Variants in BAIAP3 observed in about 807,000 individuals in gnomAD.
BAIAP3 encodes BAI1-associated protein 3.
A neutral mutation model predicts 149.7 loss-of-function variants in BAIAP3; 180 were observed. The ratio of observed to expected loss-of-function variants is 1.20; its 90% confidence interval spans 1.07 to 1.36. BAIAP3 has a LOEUF of 1.36. BAIAP3 is among the 40% of genes most tolerant of loss of function. The pLI is 0.00. For missense variants in BAIAP3, 1,767 were observed against 1,563.4 expected (o/e 1.13, Z -2.20); for synonymous variants, 845 against 670.7 (o/e 1.26, Z -4.02).
rs756774103 is a variant in BAIAP3 at position 1,345,885 on chromosome 16, G to A, written c.2203G>A (p.Gly735Ser). Residue 735 changes from glycine to serine, a missense_variant, in exon 23 of 34, where the codon GGC becomes AGC. Gly to Ser is a moderately conservative substitution (Grantham distance 56, BLOSUM62 0). Coordinates refer to ENST00000426824, the MANE Select transcript of BAIAP3 (RefSeq NM_001199097.2). ...GGCTCAGGGGCTGGGCACCCAGCTT[G>A]GCCAGGTGTGTGGGTGGGCCCTGGG... ...AQAQGLGTQL[G>S]QDVCEATLFY... 2 of 1,577,502 alleles carry A rather than the reference G, an allele frequency of 1.3e-6. No homozygotes were observed. The highest frequency in any genetic ancestry group is 1.2e-5 in the South Asian group (1 of 86,492).
rs1039050482 is a variant in BAIAP3, at chr16:1,348,805, G to A, written c.*323G>A. Reference sequence around the variant, plus strand: ...CCGCTTCCTTGGGCTCCCCGGCCCTGGGTGGGCGGTGGGCAGCTGGTCTCC... The same window carrying A: ...CCGCTTCCTTGGGCTCCCCGGCCCTAGGTGGGCGGTGGGCAGCTGGTCTCC... On this transcript the variant is annotated 3_prime_UTR_variant, in exon 34 of 34. Coordinates refer to ENST00000426824, the MANE Select transcript of BAIAP3 (RefSeq NM_001199097.2). The A allele has an allele frequency of 3.8e-5, 18 of 477,036 alleles. No individual in the cohort carries two copies. Among genetic ancestry groups the A allele is most frequent in the Non-Finnish European group, 6.9e-5 (18 of 262,262 alleles). 29.6% of individuals were successfully genotyped at this position (477,036 alleles called of 1,614,324 possible). A position where few individuals can be genotyped will look rare whatever the true frequency, so the allele number is the denominator to read the frequency against.
In BAIAP3 at chr16:1,349,209, G is replaced by T. The variant is rs978040387; in HGVS notation, c.*727G>T. 3.2e-5 allele frequency: 19 copies of T among 588,380 alleles called. No homozygotes were observed. The South Asian group carries it at 3.3e-4, about 10-fold the overall frequency. The allele number at this position is 588,380 out of a possible 1,614,324, so 36.4% of individuals were successfully genotyped here. ...AGAGTTCGCCCCAACCCTTCCCCAGGCCCAGTGTGAAAAACAGACTCACAA... is the reference window on the plus strand; with the variant it reads ...AGAGTTCGCCCCAACCCTTCCCCAGTCCCAGTGTGAAAAACAGACTCACAA... On this transcript the variant is annotated 3_prime_UTR_variant, in exon 34 of 34. Coordinates refer to ENST00000426824, the MANE Select transcript of BAIAP3 (RefSeq NM_001199097.2).
At chr16:1,339,878 C>T (rs866776769) in intron 5 of BAIAP3, among the ~76,000 whole-genome samples, 7 of 143,080 alleles carry the variant, frequency 4.9e-5, no homozygotes, top group Non-Finnish European at 7.6e-5. Flanking sequence ...CACAGACACA[C>T]GCACACAGGC....
intron 9 of BAIAP3, 51 bp from the exon 10 acceptor site, chr16:1,341,933 CAG>C: frequency 1.9e-6 from 3 of 1,587,662 alleles, no homozygotes; most frequent in African/African-American, 2.7e-5. Context: ...AGGACGGACT[CAG>C]GGCCCGGCTG....
At chr16:1,343,992 T>C in intron 15 of BAIAP3, 30 bp from the exon 16 acceptor site, 1 of 1,610,718 alleles carries the variant, frequency 6.2e-7, no homozygotes. Context: ...CGGTCGGGGC[T>C]GCTGGCACTG....
chr16:1,345,709 T>TGCCTCCCCAGCAAACCCA, intron 22 of BAIAP3, 38 bp from the exon 23 acceptor site: 1 of 561,850 alleles, frequency 1.8e-6, no homozygotes, highest in South Asian at 3.5e-5. Flanking sequence ...CAGCCTCCCC[T>TGCCTCCCCAGCAAACCCA]GCCTCCCCAG....
rs747038087 is a variant in BAIAP3, at chr16:1,341,193, A to G, written c.533A>G (p.Asn178Ser). 7.4e-6 allele frequency: 12 copies of G among 1,612,344 alleles called. No homozygotes were observed. The East Asian group carries it at 1.8e-4, about 24-fold the overall frequency. Residue 178 changes from asparagine (N) to serine (S), a missense_variant and splice_region_variant, in exon 7 of 34, where the codon AAC becomes AGC. Transcript: ENST00000426824. ...AAGAACCTTCTGGCCAAGGACCCCA[A>G]CGGTGAGTGGGGACCCAGCAGACCT... ...RAKNLLAKDP[N>S]GFSDPYCMLG...
chr16:1,346,176 G>A lies in BAIAP3; in HGVS notation c.2308G>A (p.Val770Met), dbSNP rs374656600. Reference sequence around the variant, plus strand: ...CTGGCCACACCTCCTCCAGCTCTGCGTGGTCCTCAACAATGTGGAGCTCGT... The same window carrying A: ...CTGGCCACACCTCCTCCAGCTCTGCATGGTCCTCAACAATGTGGAGCTCGT... ...AGEAVSEALC[V>M]VLNNVELVRK... The change falls in exon 25 of 34, where the codon GTG becomes ATG. Residue 770 changes from valine to methionine, a missense_variant. Transcript: ENST00000426824. 70 of 1,611,122 alleles carry A rather than the reference G, an allele frequency of 4.3e-5. No individual in the cohort carries two copies. Among genetic ancestry groups the A allele is most frequent in the South Asian group, 6.6e-5 (6 of 91,044 alleles).
intron 8 of BAIAP3, 41 bp downstream of exon 8, chr16:1,341,530 C>T (rs2033927696): frequency 6.3e-7 from 1 of 1,580,726 alleles, no homozygotes. Context: ...GGGGGCTCTG[C>T]CTGGGGTCCA....
At position 1,344,652 on chromosome 16, in the gene BAIAP3, G is replaced by A. The variant is rs1325976331; in HGVS notation, c.1711G>A (p.Asp571Asn). ...GLVVLADAVY[D>N]DLQFCYSVYA... The stretch of plus-strand genomic sequence containing the variant: ...GGTTGTGCTGGCTGACGCCGTCTAT[G>A]ATGACCTTCAGTTCTGCTACAGTGT... Residue 571 changes from aspartate to asparagine, a missense_variant, in exon 19 of 34, where the codon GAT becomes AAT. Asp to Asn is a conservative substitution (Grantham distance 23). Coordinates refer to ENST00000426824, the MANE Select transcript of BAIAP3 (RefSeq NM_001199097.2). 6.2e-7 allele frequency: 1 copy of A among 1,613,348 alleles called. No individual in the cohort carries two copies. Among genetic ancestry groups the A allele is most frequent in the Non-Finnish European group, 8.5e-7 (1 of 1,180,038 alleles).
rs777367684 is a variant in BAIAP3, at chr16:1,342,043, C to T, written c.834C>T (p.Ile278=). The part of the protein sequence containing the change: ...VEACRKLNEV[I]GLKGMGRYFK... ...CGTGCAGGAAGCTGAATGAAGTCAT[C>T]GGCCTGAAGGGCATGGGCAGGTATG... The change falls in exon 10 of 34, where the codon ATC becomes ATT. Residue 278 remains isoleucine, a synonymous_variant. Coordinates refer to ENST00000426824, the MANE Select transcript of BAIAP3 (RefSeq NM_001199097.2). The T allele has an allele frequency of 1.6e-5, 25 of 1,606,424 alleles. No individual in the cohort carries two copies. Among genetic ancestry groups the T allele is most frequent in the South Asian group, 1.6e-4 (14 of 90,110 alleles).
Position 1,345,395 on chromosome 16 carries a change from G to A in BAIAP3, c.2064+23G>A, listed in dbSNP as rs763539452. 6 of 1,600,682 alleles carry A rather than the reference G, an allele frequency of 3.7e-6. No homozygotes were observed. The Admixed American group carries it at 5.1e-5, about 14-fold the overall frequency. Reference sequence around the variant, plus strand: ...ACGGTGACAGCTGCCCTGGCCTGAGGACACTGGGGCTGGTCCAGGCCCCCA... The same window carrying A: ...ACGGTGACAGCTGCCCTGGCCTGAGAACACTGGGGCTGGTCCAGGCCCCCA... On this transcript the variant is annotated intron_variant, in intron 22 of 33. Coordinates refer to ENST00000426824, the MANE Select transcript of BAIAP3 (RefSeq NM_001199097.2).
In BAIAP3 at chr16:1,339,528, G is replaced by T. The variant is rs372874239; in HGVS notation, c.333G>T (p.Thr111=). 1.2e-6 allele frequency: 2 copies of T among 1,612,358 alleles called. No homozygotes were observed. Among genetic ancestry groups the T allele is most frequent in the Non-Finnish European group, 1.7e-6 (2 of 1,179,560 alleles). The change falls in exon 5 of 34, where the codon ACG becomes ACT. Residue 111 remains threonine, a synonymous_variant. Transcript: ENST00000426824. ...TGCTCTACGAGGAGGCCCTGTACAC[G>T]GTGCTTTACCGCGCGGGTACCATGG... ...VEMLYEEALY[T]VLYRAGTMGP...
intron 17 of BAIAP3, 72 bp from the exon 18 acceptor site, chr16:1,344,397 C>T: frequency 6.2e-7 from 1 of 1,609,788 alleles, no homozygotes; most frequent in Non-Finnish European, 8.5e-7. Context: ...TGCACCTCTG[C>T]ACCACGGTCT....
At position 1,337,285 on chromosome 16, in the gene BAIAP3, G is replaced by A. The variant is rs142553633; in HGVS notation, c.-10-1255G>A. On this transcript the variant is annotated intron_variant, in intron 1 of 33. Coordinates refer to ENST00000426824, the MANE Select transcript of BAIAP3 (RefSeq NM_001199097.2). ...AATCCCAGCACTTTGGGAGGCCGAGGCTGGTGGATCACCTGAGGTCAGGAG... is the reference window on the plus strand; with the variant it reads ...AATCCCAGCACTTTGGGAGGCCGAGACTGGTGGATCACCTGAGGTCAGGAG... Among the ~76,000 whole-genome samples, 1,019 of 152,328 alleles carry A rather than the reference G, an allele frequency of 6.7e-3. 14 individuals carry two copies. Among genetic ancestry groups the A allele is most frequent in the African/African-American group, 0.023 (960 of 41,568 alleles).
chr16:1,338,633 C>T lies in BAIAP3; in HGVS notation c.84C>T (p.Asp28=), dbSNP rs765902220. 1.2e-5 allele frequency: 20 copies of T among 1,600,328 alleles called. No individual in the cohort carries two copies. The highest frequency in any genetic ancestry group is 2.7e-5 in the African/African-American group (2 of 74,842). ...CCTTCCGCCGCAGGACTGAGCAGGA[C>T]CCAGGGAGTGCCAGCGCCGACCCGC... ...CPSFRRRTEQ[D]PGSASADPQE... is the part of the protein sequence containing the mutation. The change falls in exon 2 of 34, where the codon GAC becomes GAT. Residue 28 remains aspartate, a synonymous_variant. Coordinates refer to ENST00000426824, the MANE Select transcript of BAIAP3 (RefSeq NM_001199097.2).
At position 1,341,901 on chromosome 16, in the gene BAIAP3, T is replaced by C. The variant is rs765739746; in HGVS notation, c.776+35T>C. 4 of 1,603,548 alleles carry C rather than the reference T, an allele frequency of 2.5e-6. No homozygotes were observed. The South Asian group carries it at 4.5e-5, about 18-fold the overall frequency. On this transcript the variant is annotated intron_variant, in intron 9 of 33. Coordinates refer to ENST00000426824, the MANE Select transcript of BAIAP3 (RefSeq NM_001199097.2). ...CCTGCGCCATGCAGGGCGGCGGGGATGCACACCTTTTGCGGGGGAGCAGGA... is the reference window on the plus strand; with the variant it reads ...CCTGCGCCATGCAGGGCGGCGGGGACGCACACCTTTTGCGGGGGAGCAGGA...
chr16:1,338,531 C>G lies in BAIAP3; in HGVS notation c.-10-9C>G. 1 of 1,482,034 alleles carries G rather than the reference C, an allele frequency of 6.7e-7. No homozygotes were observed. 91.8% of individuals were successfully genotyped at this position (1,482,034 alleles called of 1,614,324 possible). A position where few individuals can be genotyped will look rare whatever the true frequency, so the allele number is the denominator to read the frequency against. Reference sequence around the variant, plus strand: ...GACCTGAGGCTGCGGGCTGTGCTCTCTGCTGTAGGTCACCCGCCATGTCGA... The same window carrying G: ...GACCTGAGGCTGCGGGCTGTGCTCTGTGCTGTAGGTCACCCGCCATGTCGA... On this transcript the variant is annotated splice_polypyrimidine_tract_variant and intron_variant, in intron 1 of 33. Transcript: ENST00000426824.
rs2033967631 is a variant in BAIAP3 at position 1,342,174 on chromosome 16, T to C, written c.855-7T>C. 6.3e-7 allele frequency: 1 copy of C among 1,592,872 alleles called. No homozygotes were observed. Among genetic ancestry groups the C allele is most frequent in the African/African-American group, 1.3e-5 (1 of 74,470 alleles). ...TCAGCGTGATGCTCACCACCTGTGG[T>C]GGCCAGGTACTTCAAACAGATCGTC... is the stretch of plus-strand genomic sequence containing the variant. On this transcript the variant is annotated splice_polypyrimidine_tract_variant and splice_region_variant and intron_variant, in intron 10 of 33. Transcript: ENST00000426824.
Sources: gnomAD v4.1 joint callset for allele counts (sites outside exome capture counted in the v4.1 genomes callset) on GRCh38, gnomAD v4.1.1 for gene constraint, MANE v1.5 for transcripts, NCBI Gene and HGNC (gene_info 2026-07-23, HGNC 2026-07-21) for gene names.